Variants in ATP12A observed in about 807,000 individuals in gnomAD.
ATP12A encodes the protein ATPase H+/K+ transporting non-gastric alpha2 subunit.
ATP12A carries 81 observed loss-of-function variants against 111.2 expected under a neutral mutation model. The ratio of observed to expected loss-of-function variants is 0.73; its 90% CI spans 0.61 to 0.88. ATP12A has a LOEUF of 0.88. Ranked by LOEUF, ATP12A falls within the 40% of genes least tolerant of loss-of-function variation. ATP12A has a pLI of 0.00. For missense variants in ATP12A, 1,196 were observed against 1,313.1 expected (o/e 0.91, Z 1.38); for synonymous variants, 498 against 499.8 (o/e 1.00, Z 0.05).
At position 24,680,613 on chromosome 13, in the gene ATP12A, C is replaced by T. The variant is rs1874392319; in HGVS notation, c.-131C>T. ...GTGCGTGCAGGGCCCGCGCCGCCGC[C>T]GGTATCTCCACCGCCAACACCTCAG... On this transcript the variant is annotated 5_prime_UTR_variant, in exon 1 of 23. Coordinates refer to ENST00000381946, the MANE Select transcript of ATP12A (RefSeq NM_001676.7). 1.8e-6 allele frequency: 2 copies of T among 1,105,746 alleles called. No individual in the cohort carries two copies. The highest frequency in any genetic ancestry group is 5.6e-5 in the Admixed American group (2 of 36,008). The allele number at this position is 1,105,746 out of a possible 1,614,324, so 68.5% of individuals were successfully genotyped here.
chr13:24,683,708 GA>G (rs1371321273), intron 2 of ATP12A, among the ~76,000 whole-genome samples: 1 of 152,084 alleles, frequency 6.6e-6, no homozygotes, highest in Non-Finnish European at 1.5e-5. Flanking sequence ...AAAAACATAA[GA>G]TTTTTTTTTC....
Position 24,689,388 on chromosome 13 carries a change from C to T in ATP12A, c.546+13C>T, listed in dbSNP as rs371301836. On this transcript the variant is annotated intron_variant, in intron 5 of 22. Coordinates refer to ENST00000381946, the MANE Select transcript of ATP12A (RefSeq NM_001676.7). ...GATGATCCCTCAGGTGAGTGGCAGCCACCTATCCTCTGGCCTCTGGTGACT... is the reference window on the plus strand; with the variant it reads ...GATGATCCCTCAGGTGAGTGGCAGCTACCTATCCTCTGGCCTCTGGTGACT... 4 of 1,608,312 alleles carry T rather than the reference C, an allele frequency of 2.5e-6. No individual in the cohort carries two copies. In the African/African-American group the frequency reaches 4.0e-5, roughly 16 times the overall value.
At chr13:24,709,256 G>A (rs1875846471) in intron 17 of ATP12A, 108 bp from the exon 18 acceptor site, 2 of 584,590 alleles carry the variant, frequency 3.4e-6, no homozygotes, top group Admixed American at 3.3e-5. Flanking sequence ...CCAGCTCCAT[G>A]CCCCCCACCC....
chr13:24,687,987 C>T (rs1199946631), intron 3 of ATP12A, among the ~76,000 whole-genome samples: 1 of 152,252 alleles, frequency 6.6e-6, no homozygotes, highest in South Asian at 2.1e-4. Context: ...CAGGTCCCTT[C>T]GACAGGTTAC....
chr13:24,685,304 T>C lies in ATP12A; in HGVS notation c.169-10T>C. The C allele has an allele frequency of 6.2e-7, 1 of 1,613,148 alleles. No homozygotes were observed. The highest frequency in any genetic ancestry group is 8.5e-7 in the Non-Finnish European group (1 of 1,179,090). On this transcript the variant is annotated splice_polypyrimidine_tract_variant and intron_variant, in intron 2 of 22. Coordinates refer to ENST00000381946, the MANE Select transcript of ATP12A (RefSeq NM_001676.7). The surrounding 1 kb of genome is among the most constrained non-coding windows in gnomAD (Gnocchi z 5.5). ...CTAATTCACTCTGTTCTTCCTTTCA[T>C]GGACTTCAGGATGACCACAAACTCA...
At position 24,688,314 on chromosome 13, in the gene ATP12A, C is replaced by T. The variant is rs2137693493; in HGVS notation, c.229-5C>T. Reference sequence around the variant, plus strand: ...TTGTGCATGTGCTTTGTTTGGCTTTCCCAGGGTCTCTCCAGCACCAGAGCT... The same window carrying T: ...TTGTGCATGTGCTTTGTTTGGCTTTTCCAGGGTCTCTCCAGCACCAGAGCT... On this transcript the variant is annotated splice_polypyrimidine_tract_variant and splice_region_variant and intron_variant, in intron 3 of 22. Coordinates refer to ENST00000381946, the MANE Select transcript of ATP12A (RefSeq NM_001676.7). 1.2e-6 allele frequency: 2 copies of T among 1,606,300 alleles called. No homozygotes were observed. Among genetic ancestry groups the T allele is most frequent in the Non-Finnish European group, 1.7e-6 (2 of 1,175,796 alleles).
Position 24,707,380 on chromosome 13 carries a change from C to A in ATP12A, c.2440C>A (p.Pro814Thr). The A allele has an allele frequency of 1.9e-6, 3 of 1,614,214 alleles. No homozygotes were observed. The highest frequency in any genetic ancestry group is 2.5e-6 in the Non-Finnish European group (3 of 1,180,040). The change falls in exon 17 of 23, where the codon CCC (proline) becomes ACC (threonine). Residue 814 changes from proline (P) to threonine (T), a missense_variant. Physicochemically the swap from Pro to Thr is conservative, Grantham distance 38. Around this residue, in one of 3 missense-constraint regions of ATP12A, gnomAD observed 1,126 missense variants for 1,228.5 expected, o/e 0.92. Transcript: ENST00000381946. ...TCTGATCTACATCATTGTCGGGCTC[C>A]CCCTGCCCATTGGCACCATCACCAT... ...PFLIYIIVGL[P>T]LPIGTITILF... is the part of the protein sequence containing the mutation.
chr13:24,690,370 G>T lies in ATP12A; in HGVS notation c.579G>T (p.Lys193Asn). 1 of 1,613,470 alleles carries T rather than the reference G, an allele frequency of 6.2e-7. No individual in the cohort carries two copies. The highest frequency in any genetic ancestry group is 8.5e-7 in the Non-Finnish European group (1 of 1,179,912). ...TCGTCATCCGAGATTCCGAGAAGAA[G>T]ACCATCCCTTCAGAGCAGCTGGTGG... ...QALVIRDSEK[K>N]TIPSEQLVVG... Residue 193 changes from lysine to asparagine, a missense_variant, in exon 6 of 23, where the codon AAG becomes AAT. Coordinates refer to ENST00000381946, the MANE Select transcript of ATP12A (RefSeq NM_001676.7).
Position 24,688,300 on chromosome 13 carries a change from C to T in ATP12A, c.229-19C>T. On this transcript the variant is annotated intron_variant, in intron 3 of 22. Transcript: ENST00000381946. ...CGTATTTGTTTTGGTTGTGCATGTG[C>T]TTTGTTTGGCTTTCCCAGGGTCTCT... The T allele has an allele frequency of 6.3e-7, 1 of 1,599,002 alleles. No individual in the cohort carries two copies. Among genetic ancestry groups the T allele is most frequent in the African/African-American group, 1.3e-5 (1 of 74,508 alleles).
In ATP12A at chr13:24,697,755, G is replaced by A. The variant is rs143958019; in HGVS notation, c.1513-903G>A. 3.0e-3 allele frequency among the ~76,000 whole-genome samples: 462 copies of A among 151,812 alleles called. 6 individuals carry two copies. Among genetic ancestry groups the A allele is most frequent in the African/African-American group, 0.01 (429 of 41,414 alleles). ...TGTTTGGTTTGGTTTTTGTTGGTTG[G>A]TTGGTTTTCTCAATGTCTTTACTTG... On this transcript the variant is annotated intron_variant, in intron 11 of 22. Coordinates refer to ENST00000381946, the MANE Select transcript of ATP12A (RefSeq NM_001676.7).
rs529096319 is a variant in ATP12A at position 24,683,722 on chromosome 13, C to T, written c.169-1592C>T. On this transcript the variant is annotated intron_variant, in intron 2 of 22. Coordinates refer to ENST00000381946, the MANE Select transcript of ATP12A (RefSeq NM_001676.7). The stretch of plus-strand genomic sequence containing the variant: ...GAAAAACATAAGATTTTTTTTTCTA[C>T]CTCTTAAGGGTTACTAGGAAGATTA... Among the ~76,000 whole-genome samples the T allele has an allele frequency of 1.7e-3, 265 of 151,968 alleles. 2 individuals carry two copies. Among genetic ancestry groups the T allele is most frequent in the African/African-American group, 6.1e-3 (254 of 41,484 alleles).
At chr13:24,681,126 G>A (rs552168404) in intron 1 of ATP12A, among the ~76,000 whole-genome samples, 2 of 152,168 alleles carry the variant, frequency 1.3e-5, no homozygotes, top group Admixed American at 6.5e-5. Context: ...AGGGTCGTAA[G>A]CTTAGTGGGT....
In ATP12A at chr13:24,696,605, G is replaced by C. The variant is rs530117214; in HGVS notation, c.1512+2027G>C. Among the ~76,000 whole-genome samples the C allele has an allele frequency of 1.5e-3, 194 of 126,470 alleles. 23 individuals carry two copies. Among genetic ancestry groups the C allele is most frequent in the African/African-American group, 5.1e-3 (180 of 35,056 alleles). 83.0% of individuals were successfully genotyped at this position (126,470 alleles called of 152,430 possible). ...CGGGCGCCTGTAGTCCCAGCTACTC[G>C]GGAGGCTGAGGCAGGAGAATGGCGT... On this transcript the variant is annotated intron_variant, in intron 11 of 22. Transcript: ENST00000381946.
intron 17 of ATP12A, among the ~76,000 whole-genome samples, chr13:24,708,092 G>A (rs996355007): frequency 7.9e-5 from 12 of 152,122 alleles, no homozygotes; most frequent in African/African-American, 2.9e-4. Context: ...AACCACTGGG[G>A]GCCCAGTGAC....
chr13:24,684,707 C>G (rs1404552309), intron 2 of ATP12A, among the ~76,000 whole-genome samples: 1 of 152,234 alleles, frequency 6.6e-6, no homozygotes, highest in African/African-American at 2.4e-5. Flanking sequence ...GGTGAGAAAC[C>G]CTGCTGTAGT....
At chr13:24,711,214 G>A in intron 21 of ATP12A, 104 bp from the exon 22 acceptor site, 1 of 1,098,940 alleles carries the variant, frequency 9.1e-7, no homozygotes, top group South Asian at 1.4e-5. Context: ...GTCGTTCTTT[G>A]CAGTAAAGCA....
Position 24,700,941 on chromosome 13 carries a change from AC to A in ATP12A, c.1881+20del, listed in dbSNP as rs776563383. On this transcript the variant is annotated intron_variant, in intron 13 of 22. Coordinates refer to ENST00000381946, the MANE Select transcript of ATP12A (RefSeq NM_001676.7). Reference sequence around the variant, plus strand: ...GATCAAGGTGGGAGTTATTTTCCTGACTCAAGAAGTTCTTTCTTTATGTCGT... The same window carrying A: ...GATCAAGGTGGGAGTTATTTTCCTGATCAAGAAGTTCTTTCTTTATGTCGT... The A allele has an allele frequency of 6.2e-7, 1 of 1,609,256 alleles. No individual in the cohort carries two copies. Among genetic ancestry groups the A allele is most frequent in the Admixed American group, 1.7e-5 (1 of 59,578 alleles).
At chr13:24,695,517 A>G (rs1875113802) in intron 11 of ATP12A, among the ~76,000 whole-genome samples, 1 of 152,074 alleles carries the variant, frequency 6.6e-6, no homozygotes, top group South Asian at 2.1e-4. Flanking sequence ...TAGAAATGGA[A>G]TAACCACAAC....
In ATP12A at chr13:24,692,802, A is replaced by G. The variant is rs1348342769; in HGVS notation, c.1283A>G (p.Gln428Arg). Residue 428 changes from glutamine to arginine, a missense_variant, in exon 10 of 23, where the codon CAA becomes CGA. Physicochemically the swap from Gln to Arg is conservative, Grantham distance 43. Transcript: ENST00000381946. ...SEDHSNQVFD[Q>R]SSRTWASLSK... Reference sequence around the variant, plus strand: ...TGTCTTCCAGACCAAGTCTTTGACCAAAGCTCTAGGACTTGGGCCTCCTTA... The same window carrying G: ...TGTCTTCCAGACCAAGTCTTTGACCGAAGCTCTAGGACTTGGGCCTCCTTA... 14 of 1,614,134 alleles carry G rather than the reference A, an allele frequency of 8.7e-6. No individual in the cohort carries two copies. The highest frequency in any genetic ancestry group is 2.2e-5 in the South Asian group (2 of 91,086).
Sources: allele counts gnomAD v4.1 joint callset (sites outside exome capture counted in the v4.1 genomes callset), GRCh38; gene constraint gnomAD v4.1.1; regional missense constraint gnomAD v4.1.1; non-coding constraint Gnocchi (gnomAD v3.1); transcripts MANE v1.5; gene names NCBI Gene and HGNC (gene_info 2026-07-23, HGNC 2026-07-21).